The following NCOA1 variants were observed in gnomAD, a reference collection of about 807,000 sequenced individuals.
NCOA1 encodes Hin-2 protein.
In NCOA1, 35 loss-of-function variants were observed where a neutral mutation model predicts 150.9. The ratio of observed to expected loss-of-function variants is 0.23; its 90% CI spans 0.18 to 0.31. The LOEUF (loss-of-function observed/expected upper bound fraction) is 0.31. NCOA1 is among the 10% of genes least tolerant of loss of function. NCOA1 has a pLI of 1.00. For synonymous variants in NCOA1, 590 were observed against 630.0 expected (o/e 0.94, Z 0.95); for missense variants, 1,491 against 1,749.3 (o/e 0.85, Z 2.63).
At chr2:24,492,879 T>A (rs1047185354) in intron 1 of NCOA1, among the ~76,000 whole-genome samples, 74 of 151,880 alleles carry the variant, frequency 4.9e-4, no homozygotes, top group Non-Finnish European at 8.7e-4. Context: ...AAGCGTAGAT[T>A]ATATGATACA....
intron 3 of NCOA1, among the ~76,000 whole-genome samples, chr2:24,593,023 G>A (rs544365991): frequency 1.3e-5 from 2 of 151,992 alleles, no homozygotes; most frequent in Non-Finnish European, 2.9e-5. Context: ...GGATGAAGTC[G>A]TGAAGTTGTA....
At chr2:24,701,204 G>A (rs1431663423) in intron 11 of NCOA1, among the ~76,000 whole-genome samples, 1 of 151,822 alleles carries the variant, frequency 6.6e-6, no homozygotes, top group East Asian at 1.9e-4. Flanking sequence ...ATGACATATT[G>A]TTATATTAAA....
intron 3 of NCOA1, among the ~76,000 whole-genome samples, chr2:24,637,707 T>TTTTG (rs1491323885): frequency 1.9e-4 from 26 of 139,800 alleles, no homozygotes; most frequent in African/African-American, 7.6e-4. Context: ...TTTTGTTTTG[T>TTTTG]TTTTTGAGAT....
chr2:24,523,663 C>T (rs1329645690), intron 1 of NCOA1, among the ~76,000 whole-genome samples: 1 of 138,736 alleles, frequency 7.2e-6, no homozygotes, highest in Non-Finnish European at 1.5e-5. Flanking sequence ...CACGGTGGCT[C>T]ACGCTTGTAA....
intron 3 of NCOA1, among the ~76,000 whole-genome samples, chr2:24,621,476 TTCCGTCTCAAGGCTGCAGTTTCAC>T (rs1669160369): frequency 8.0e-6 from 1 of 124,880 alleles, no homozygotes; most frequent in African/African-American, 3.1e-5. Context: ...GAGACAGAGT[TTCCGTCTCAAGGCTGCAGTTTCAC>T]TCCGTCTCAA....
At position 24,505,821 on chromosome 2, in the gene NCOA1, CAT is replaced by C. The variant is rs1663669279; in HGVS notation, c.-396+14222_-396+14223del. Among the ~76,000 whole-genome samples the C allele has an allele frequency of 2.6e-5, 4 of 152,192 alleles. No individual in the cohort carries two copies. The South Asian group carries it at 6.2e-4, about 24-fold the overall frequency. On this transcript the variant is annotated intron_variant, in intron 1 of 22. Coordinates refer to ENST00000348332, the MANE Select transcript of NCOA1 (RefSeq NM_003743.5). Reference sequence around the variant, plus strand: ...TGAGTCCTTCCTTGAGATTGAAAAACATATTGGATGAAGGACAGGTTCATCCC... The same window carrying C: ...TGAGTCCTTCCTTGAGATTGAAAAACATTGGATGAAGGACAGGTTCATCCC...
At chr2:24,759,004 CAAAA>C (rs537529761) in intron 21 of NCOA1, among the ~76,000 whole-genome samples, 2 of 151,764 alleles carry the variant, frequency 1.3e-5, no homozygotes, top group Non-Finnish European at 2.9e-5. Context: ...AACAAACAAA[CAAAA>C]AAACAGTACA....
intron 21 of NCOA1, among the ~76,000 whole-genome samples, chr2:24,762,120 A>C (rs1189121593): frequency 1.3e-5 from 2 of 152,232 alleles, no homozygotes; most frequent in Non-Finnish European, 2.9e-5. Context: ...CCCTTTGTCC[A>C]TGATACAGCC....
Position 24,710,877 on chromosome 2 carries a change from G to T in NCOA1, c.2419-54G>T. 1.2e-5 allele frequency: 18 copies of T among 1,540,664 alleles called. No homozygotes were observed. In the Admixed American group the frequency reaches 1.3e-4, roughly 11 times the overall value. ...AAGAAGCAGCATTTTTTTCTACGTT[G>T]TTTCAGGTGAAAGTGTAAAATATAT... On this transcript the variant is annotated intron_variant, in intron 13 of 22. Coordinates refer to ENST00000348332, the MANE Select transcript of NCOA1 (RefSeq NM_003743.5).
intron 2 of NCOA1, among the ~76,000 whole-genome samples, chr2:24,571,181 G>C (rs752049845): frequency 6.6e-6 from 1 of 151,814 alleles, no homozygotes; most frequent in African/African-American, 2.4e-5. Context: ...GCCATTAGTT[G>C]ATCGTGCAAC....
chr2:24,557,365 A>G (rs750948710), intron 1 of NCOA1, among the ~76,000 whole-genome samples: 4 of 152,128 alleles, frequency 2.6e-5, no homozygotes, highest in Non-Finnish European at 5.9e-5. Context: ...TCTATATGTT[A>G]CTAACCCTAC....
At chr2:24,502,139 C>A (rs1046436493) in intron 1 of NCOA1, among the ~76,000 whole-genome samples, 9 of 152,044 alleles carry the variant, frequency 5.9e-5, no homozygotes, top group Admixed American at 5.2e-4. Context: ...AAAGAGTGGA[C>A]CTATTGTATG....
chr2:24,505,242 A>G (rs997231061), intron 1 of NCOA1, among the ~76,000 whole-genome samples: 4 of 148,448 alleles, frequency 2.7e-5, no homozygotes, highest in Admixed American at 1.4e-4. Context: ...GCTGGAGTGC[A>G]ATGGGGCAAT....
intron 17 of NCOA1, among the ~76,000 whole-genome samples, chr2:24,730,155 CTT>C (rs1429503806): frequency 6.6e-6 from 1 of 152,146 alleles, no homozygotes; most frequent in Non-Finnish European, 1.5e-5. Flanking sequence ...GCAGTTGATA[CTT>C]TTTAAAGGTA....
intron 1 of NCOA1, among the ~76,000 whole-genome samples, chr2:24,534,635 T>C (rs1244044271): frequency 6.6e-6 from 1 of 152,244 alleles, no homozygotes; most frequent in Non-Finnish European, 1.5e-5. Flanking sequence ...GTCCCAGAGA[T>C]TCTGGTAGTT....
In NCOA1 at chr2:24,707,495, T is replaced by C. The variant is rs532877770; in HGVS notation, c.2025T>C (p.Ser675=). 3.2e-5 allele frequency: 51 copies of C among 1,614,106 alleles called. No homozygotes were observed. Among genetic ancestry groups the C allele is most frequent in the Non-Finnish European group, 4.0e-5 (47 of 1,180,044 alleles). Residue 675 remains serine (S), a synonymous_variant, in exon 13 of 23, where the codon TCT becomes TCC. Coordinates refer to ENST00000348332, the MANE Select transcript of NCOA1 (RefSeq NM_003743.5). ...CCTCTGCTAACTCTTCAGGAGGTTC[T>C]TGTCCCTCTTCTCATAGCTCATTGA... ...NSASANSSGG[S]CPSSHSSLTE...
intron 11 of NCOA1, among the ~76,000 whole-genome samples, chr2:24,703,754 G>C (rs917472832): frequency 2.0e-5 from 3 of 152,086 alleles, no homozygotes; most frequent in Non-Finnish European, 4.4e-5. Context: ...AACATGTCTT[G>C]TTTAAGTAAC....
chr2:24,538,332 T>C (rs1311737681), intron 1 of NCOA1, among the ~76,000 whole-genome samples: 2 of 152,210 alleles, frequency 1.3e-5, no homozygotes, highest in Admixed American at 1.3e-4. Flanking sequence ...AGGAGAACTT[T>C]TATTTTCGAG....
intron 3 of NCOA1, among the ~76,000 whole-genome samples, chr2:24,643,566 C>G (rs1468099222): frequency 6.6e-6 from 1 of 151,550 alleles, no homozygotes; most frequent in African/African-American, 2.4e-5. Context: ...AATTTGAAGA[C>G]AAAATATTAT....
Sources: allele counts gnomAD v4.1 joint callset (sites outside exome capture counted in the v4.1 genomes callset), GRCh38; gene constraint gnomAD v4.1.1; transcripts MANE v1.5; gene names NCBI Gene and HGNC (gene_info 2026-07-23, HGNC 2026-07-21).